Variants in CAB39 observed in about 807,000 individuals in gnomAD.
The protein encoded by CAB39 is calcium-binding protein 39.
A neutral mutation model predicts 40.0 loss-of-function variants in CAB39; 8 were observed. The observed-to-expected ratio is 0.20, with a 90% CI of 0.12 to 0.36. The LOEUF is 0.36. Among genes scored for constraint, CAB39 ranks in the 10% least tolerant of loss-of-function variants. CAB39 has a pLI of 1.00. For missense variants in CAB39, 270 were observed against 401.1 expected, an observed-to-expected ratio of 0.67 and a Z score of 2.79; for synonymous variants, 156 against 141.6, an observed-to-expected ratio of 1.10 and a Z score of -0.72.
At chr2:230,774,704 G>C (rs555537276) in intron 2 of CAB39, among the ~76,000 whole-genome samples, 5 of 152,268 alleles carry the variant, frequency 3.3e-5, no homozygotes, top group East Asian at 1.9e-4. Flanking sequence ...TATTTTAAGA[G>C]GGGGGAAAGG....
At chr2:230,770,746 C>G (rs994278526) in intron 2 of CAB39, among the ~76,000 whole-genome samples, 1 of 151,938 alleles carries the variant, frequency 6.6e-6, no homozygotes, top group Non-Finnish European at 1.5e-5. Flanking sequence ...GAATGCAGAG[C>G]TAGTATAACA....
At chr2:230,766,539 G>A (rs1695388698) in intron 2 of CAB39, among the ~76,000 whole-genome samples, 1 of 152,128 alleles carries the variant, frequency 6.6e-6, no homozygotes, top group Non-Finnish European at 1.5e-5. Context: ...CAGCACTAGG[G>A]TTATGTGTTT....
chr2:230,755,029 G>T (rs999763441), intron 1 of CAB39, among the ~76,000 whole-genome samples: 7 of 152,010 alleles, frequency 4.6e-5, no homozygotes, highest in Admixed American at 3.9e-4. Flanking sequence ...CCTTTTTATG[G>T]CTGAGTAGTA....
chr2:230,758,063 C>G (rs1695223747), intron 1 of CAB39, among the ~76,000 whole-genome samples: 1 of 152,116 alleles, frequency 6.6e-6, no homozygotes, highest in African/African-American at 2.4e-5. Flanking sequence ...CTTTGGGAGG[C>G]CGAGGTGGGT....
At chr2:230,716,099 CTAAGG>C (rs1349848562) in intron 1 of CAB39, among the ~76,000 whole-genome samples, 1 of 152,152 alleles carries the variant, frequency 6.6e-6, no homozygotes, top group Non-Finnish European at 1.5e-5. Context: ...ATTTTACATT[CTAAGG>C]TGTATTAATA....
chr2:230,755,060 C>T (rs960840106), intron 1 of CAB39, among the ~76,000 whole-genome samples: 9 of 151,918 alleles, frequency 5.9e-5, no homozygotes, highest in Non-Finnish European at 1.2e-4. Flanking sequence ...TATATACATA[C>T]ATACACACAC....
chr2:230,717,212 G>GA (rs1349622312), intron 1 of CAB39, among the ~76,000 whole-genome samples: 1 of 152,072 alleles, frequency 6.6e-6, no homozygotes, highest in Non-Finnish European at 1.5e-5. Context: ...TATCAAATCT[G>GA]AATCTCTGGG....
At chr2:230,744,370 T>A (rs1266322546) in intron 1 of CAB39, among the ~76,000 whole-genome samples, 1 of 152,202 alleles carries the variant, frequency 6.6e-6, no homozygotes, top group Non-Finnish European at 1.5e-5. Context: ...CTCGGCTCAC[T>A]GCAGCCTCCA....
intron 4 of CAB39, among the ~76,000 whole-genome samples, chr2:230,796,277 C>T (rs926566202): frequency 7.9e-5 from 12 of 152,052 alleles, no homozygotes; most frequent in African/African-American, 1.2e-4. Flanking sequence ...TATTTATTTG[C>T]GGGGCCATGC....
chr2:230,734,769 A>AG (rs780695674), intron 1 of CAB39, among the ~76,000 whole-genome samples: 6 of 149,838 alleles, frequency 4.0e-5, no homozygotes, highest in Admixed American at 2.0e-4. Context: ...GGGAGTCTAA[A>AG]GAGCTGGCCC....
intron 1 of CAB39, among the ~76,000 whole-genome samples, chr2:230,732,691 G>C (rs1454979394): frequency 2.0e-5 from 3 of 152,126 alleles, no homozygotes; most frequent in African/African-American, 7.2e-5. Flanking sequence ...CTTGCCGCTG[G>C]GGGAATGAGA....
chr2:230,783,786 G>A (rs1245213849), intron 2 of CAB39, among the ~76,000 whole-genome samples: 4 of 152,156 alleles, frequency 2.6e-5, no homozygotes, highest in African/African-American at 9.7e-5. Context: ...ACAGGCATGA[G>A]CCACTGTGGC....
chr2:230,794,369 T>C (rs1294261401), intron 4 of CAB39, among the ~76,000 whole-genome samples: 1 of 152,242 alleles, frequency 6.6e-6, no homozygotes, highest in Non-Finnish European at 1.5e-5. Context: ...TTCAGAGTTG[T>C]ATGTAAAAAC....
At chr2:230,812,306 A>G (rs994256041) in intron 6 of CAB39, among the ~76,000 whole-genome samples, 1 of 152,168 alleles carries the variant, frequency 6.6e-6, no homozygotes, top group African/African-American at 2.4e-5. Flanking sequence ...AAAATGCTCA[A>G]CTCCGATGCA....
rs148964178 is a variant in CAB39 at position 230,790,964 on chromosome 2, A to G, written c.207A>G (p.Gln69=). 3.4e-5 allele frequency: 55 copies of G among 1,613,146 alleles called. No individual in the cohort carries two copies. The African/African-American group carries it at 5.2e-4, about 15-fold the overall frequency. ...EKEPQTEAVA[Q]LAQELYNSGL... ...AGCCTCAGACAGAAGCAGTAGCTCA[A>G]CTTGCTCAAGAACTCTATAATAGTG... The change falls in exon 3 of 9, where the codon CAA becomes CAG. Residue 69 remains glutamine, a synonymous_variant. Coordinates refer to ENST00000258418, the MANE Select transcript of CAB39 (RefSeq NM_016289.4).
chr2:230,728,733 C>T (rs1288563249), intron 1 of CAB39, among the ~76,000 whole-genome samples: 2 of 152,208 alleles, frequency 1.3e-5, no homozygotes, highest in African/African-American at 2.4e-5. Flanking sequence ...CCTTGGCCTC[C>T]TGAGTAGCTA....
chr2:230,787,446 A>AT (rs1559610978), intron 2 of CAB39, among the ~76,000 whole-genome samples: 1 of 152,224 alleles, frequency 6.6e-6, no homozygotes, highest in Non-Finnish European at 1.5e-5. Context: ...AGTTACTGCC[A>AT]TAATCTTGAA....
intron 1 of CAB39, among the ~76,000 whole-genome samples, chr2:230,732,254 T>A (rs991634178): frequency 2.6e-5 from 4 of 152,128 alleles, no homozygotes; most frequent in Admixed American, 2.6e-4. Flanking sequence ...GCTAATTTTT[T>A]GTATTTTTTA....
intron 2 of CAB39, among the ~76,000 whole-genome samples, chr2:230,773,308 A>ATGTGTGTG (rs1361313789): frequency 5.3e-4 from 47 of 88,312 alleles, no homozygotes; most frequent in African/African-American, 2.6e-3. Context: ...GTATATATAT[A>ATGTGTGTG]TATATATGTG....
Sources: allele counts gnomAD v4.1 joint callset (sites outside exome capture counted in the v4.1 genomes callset), GRCh38; gene constraint gnomAD v4.1.1; transcripts MANE v1.5; gene names NCBI Gene and HGNC (gene_info 2026-07-23, HGNC 2026-07-21).